TSPAN18: variants seen among roughly 807,000 people sequenced by gnomAD.
TSPAN18 encodes the protein tetraspanin-18.
In TSPAN18, 14 loss-of-function variants were observed where a neutral mutation model predicts 27.3. The ratio of observed to expected loss-of-function variants is 0.51; its 90% CI spans 0.34 to 0.80. The LOEUF is 0.80. Among genes scored for constraint, TSPAN18 ranks in the 30% least tolerant of loss-of-function variants. The pLI is 0.01. For synonymous variants in TSPAN18, 143 were observed against 136.5 expected, an observed-to-expected ratio of 1.05 and a Z score of -0.33; for missense variants, 268 against 323.9, an observed-to-expected ratio of 0.83 and a Z score of 1.32.
chr11:44,730,780 C>A (rs184120546), intron 1 of TSPAN18, among the ~76,000 whole-genome samples: 3 of 152,054 alleles, frequency 2.0e-5, no homozygotes, highest in African/African-American at 7.2e-5. Flanking sequence ...TGTGCCACCA[C>A]ACCTGGCTAA....
At chr11:44,770,801 T>A (rs1565141635) in intron 2 of TSPAN18, among the ~76,000 whole-genome samples, 1 of 152,060 alleles carries the variant, frequency 6.6e-6, no homozygotes, top group Non-Finnish European at 1.5e-5. Flanking sequence ...ACATTCAGGA[T>A]CTATTTTGAG....
chr11:44,869,950 G>A (rs1005840462), intron 3 of TSPAN18, among the ~76,000 whole-genome samples: 15 of 152,186 alleles, frequency 9.9e-5, no homozygotes, highest in African/African-American at 1.9e-4. Flanking sequence ...CCTGAAACTG[G>A]CAGTGACTTC....
chr11:44,780,559 C>G (rs1855914782), intron 2 of TSPAN18, among the ~76,000 whole-genome samples: 1 of 152,262 alleles, frequency 6.6e-6, no homozygotes, highest in Non-Finnish European at 1.5e-5. Flanking sequence ...TTCCCTTCTT[C>G]TTACAGTCCA....
intron 2 of TSPAN18, among the ~76,000 whole-genome samples, chr11:44,849,096 C>A (rs1401316520): frequency 6.6e-6 from 1 of 152,114 alleles, no homozygotes; most frequent in African/African-American, 2.4e-5. Context: ...TTGTGCAGCA[C>A]CTGCTTGTGG....
intron 9 of TSPAN18, among the ~76,000 whole-genome samples, chr11:44,927,301 C>T (rs545600750): frequency 3.3e-5 from 5 of 152,330 alleles, no homozygotes; most frequent in East Asian, 1.9e-4. Context: ...GAGGAGCGGC[C>T]GCCTCCCGTT....
intron 2 of TSPAN18, among the ~76,000 whole-genome samples, chr11:44,811,759 G>A: frequency 6.6e-6 from 1 of 152,204 alleles, no homozygotes; most frequent in East Asian, 1.9e-4. Context: ...ACTGCACCCG[G>A]CCTATGTTTT....
At chr11:44,814,206 G>A (rs1476577727) in intron 2 of TSPAN18, among the ~76,000 whole-genome samples, 2 of 150,636 alleles carry the variant, frequency 1.3e-5, no homozygotes, top group Non-Finnish European at 3.0e-5. Flanking sequence ...ATCTGCATCT[G>A]GTTGCCAATC....
chr11:44,764,869 C>A (rs1438527364), intron 2 of TSPAN18, among the ~76,000 whole-genome samples: 1 of 152,142 alleles, frequency 6.6e-6, no homozygotes, highest in Non-Finnish European at 1.5e-5. Context: ...TCCCCCATAC[C>A]CACCACAGTC....
At chr11:44,764,752 A>G (rs1336226315) in intron 2 of TSPAN18, among the ~76,000 whole-genome samples, 2 of 152,102 alleles carry the variant, frequency 1.3e-5, no homozygotes, top group Non-Finnish European at 2.9e-5. Flanking sequence ...GTGTTGATGG[A>G]TGGCAGGGAG....
intron 1 of TSPAN18, among the ~76,000 whole-genome samples, chr11:44,755,594 C>T (rs902230242): frequency 6.6e-6 from 1 of 152,108 alleles, no homozygotes; most frequent in African/African-American, 2.4e-5. Flanking sequence ...CTCCCTCTCC[C>T]CTGCCCCCAC....
At chr11:44,900,127 G>A (rs1051431434) in intron 3 of TSPAN18, among the ~76,000 whole-genome samples, 4 of 152,256 alleles carry the variant, frequency 2.6e-5, no homozygotes, top group Admixed American at 2.0e-4. Flanking sequence ...CAGCCAGGCA[G>A]GGATTGGAGG....
chr11:44,757,124 T>C (rs982245104), intron 1 of TSPAN18, among the ~76,000 whole-genome samples: 1 of 152,202 alleles, frequency 6.6e-6, no homozygotes, highest in African/African-American at 2.4e-5. Flanking sequence ...GTGGAATTGC[T>C]GGATCACATG....
rs1173935059 is a variant in TSPAN18, at chr11:44,930,964, T to G, written c.*1786T>G. 4 of 496,710 alleles carry G rather than the reference T, an allele frequency of 8.1e-6. No homozygotes were observed. The highest frequency in any genetic ancestry group is 1.7e-5 in the Non-Finnish European group (4 of 241,878). 30.8% of individuals were successfully genotyped at this position (496,710 alleles called of 1,614,324 possible). A position where few individuals can be genotyped will look rare whatever the true frequency, so the allele number is the denominator to read the frequency against. ...ACCAGGGACACTCGGAGCCACAGCC[T>G]AGAGCCCCGTGTTCCCTGGCCTGTG... On this transcript the variant is annotated 3_prime_UTR_variant, in exon 10 of 10. Transcript: ENST00000520358.
chr11:44,875,976 G>C lies in TSPAN18; in HGVS notation c.-11+15507G>C, dbSNP rs1858320260. Reference sequence around the variant, plus strand: ...GGCAAAGCTGAGATTCAGACCCCAGGTGGTGGGCCCTGTGGGAGCCAGGCC... The same window carrying C: ...GGCAAAGCTGAGATTCAGACCCCAGCTGGTGGGCCCTGTGGGAGCCAGGCC... On this transcript the variant is annotated intron_variant, in intron 3 of 9. Transcript: ENST00000520358. Among the ~76,000 whole-genome samples, 3 of 152,220 alleles carry C rather than the reference G, an allele frequency of 2.0e-5. 1 individual carries two copies. The highest frequency in any genetic ancestry group is 2.0e-4 in the Admixed American group (3 of 15,284).
rs77141248 is a variant in TSPAN18, at chr11:44,860,890, T to C, written c.-11+421T>C. ...GGGCAAAGGCTGAACTGAGGTCAGA[T>C]GCTGCATCATTTGGGAGCCAACACT... On this transcript the variant is annotated intron_variant, in intron 3 of 9. Coordinates refer to ENST00000520358, the MANE Select transcript of TSPAN18 (RefSeq NM_130783.5). 8.9e-3 allele frequency among the ~76,000 whole-genome samples: 1,357 copies of C among 152,358 alleles called. 20 individuals are homozygous for C. The highest frequency in any genetic ancestry group is 0.031 in the African/African-American group (1,282 of 41,588).
intron 9 of TSPAN18, 28 bp downstream of exon 9, chr11:44,926,785 T>C (rs766052680): frequency 1.7e-5 from 28 of 1,607,832 alleles, no homozygotes; most frequent in Non-Finnish European, 2.4e-5. Context: ...CTTCTGCCGC[T>C]CCCCAGGATG....
intron 2 of TSPAN18, among the ~76,000 whole-genome samples, chr11:44,851,868 A>G (rs976429259): frequency 6.6e-6 from 1 of 152,198 alleles, no homozygotes; most frequent in Non-Finnish European, 1.5e-5. Context: ...GTGCCCAGGT[A>G]TGACATGCCA....
chr11:44,903,875 G>A (rs1304326775), intron 3 of TSPAN18: 1 of 456,552 alleles, frequency 2.2e-6, no homozygotes, highest in Non-Finnish European at 4.4e-6. Context: ...GCCTCTGTCT[G>A]ACTCAGTTTC....
intron 4 of TSPAN18, among the ~76,000 whole-genome samples, chr11:44,908,769 G>GAGAAAGAAAGAA (rs370907948): frequency 0.076 from 5,450 of 71,396 alleles, 491 homozygotes; most frequent in Middle Eastern, 0.099. Context: ...AGAGAGAAAG[G>GAGAAAGAAAGAA]AGAAAGAAAG....
Sources: allele counts gnomAD v4.1 joint callset (sites outside exome capture counted in the v4.1 genomes callset), GRCh38; gene constraint gnomAD v4.1.1; transcripts MANE v1.5; gene names NCBI Gene and HGNC (gene_info 2026-07-23, HGNC 2026-07-21).